The following ZNF718 variants were observed in gnomAD, a reference collection of about 807,000 sequenced individuals.
ZNF718 encodes zinc finger protein 718.
ZNF718 carries 3 observed loss-of-function variants against 2.6 expected under a neutral mutation model. The ratio of observed to expected loss-of-function variants is 1.16; its 90% CI spans 0.53 to 3.01. The LOEUF (loss-of-function observed/expected upper bound fraction) is 3.01. Ranked by LOEUF, ZNF718 falls within the 30% of genes most tolerant of loss-of-function variation. The probability of loss-of-function intolerance (pLI) is 0.03; values close to 1 mark genes in which losing one functional copy is unlikely to be tolerated. For synonymous variants in ZNF718, 135 were observed against 77.9 expected, an observed-to-expected ratio of 1.73 and a Z score of -3.86; for missense variants, 468 against 230.0, an observed-to-expected ratio of 2.03 and a Z score of -6.69.
intron 3 of ZNF718, among the ~76,000 whole-genome samples, chr4:133,196 AT>A (rs1272097624): frequency 0.081 from 1,321 of 16,252 alleles, 134 homozygotes; most frequent in African/African-American, 0.12. Flanking sequence ...AAAAAAAAAA[AT>A]ATATATATAT....
At chr4:191,751 G>C (rs1717697423) in intron 3 of ZNF718, among the ~76,000 whole-genome samples, 1 of 152,148 alleles carries the variant, frequency 6.6e-6, no homozygotes, top group South Asian at 2.1e-4. Flanking sequence ...TATTAATTTG[G>C]TCATCAACAG....
At chr4:134,473 C>G (rs2108781514) in intron 3 of ZNF718, among the ~76,000 whole-genome samples, 1 of 152,268 alleles carries the variant, frequency 6.6e-6, no homozygotes, top group East Asian at 1.9e-4. Flanking sequence ...TAAGGTTACA[C>G]TTAAGTTTCA....
chr4:138,834 C>A (rs1349652679), intron 3 of ZNF718, among the ~76,000 whole-genome samples: 1 of 152,036 alleles, frequency 6.6e-6, no homozygotes, highest in East Asian at 1.9e-4. Context: ...GCCATTGTAA[C>A]TGGGGTGAGA....
intron 3 of ZNF718, among the ~76,000 whole-genome samples, chr4:156,619 A>G (rs1716579997): frequency 6.6e-6 from 1 of 152,188 alleles, no homozygotes; most frequent in African/African-American, 2.4e-5. Context: ...TTAAAAAACC[A>G]TGTATTTCTG....
chr4:146,186 A>AT (rs57223668), intron 3 of ZNF718, among the ~76,000 whole-genome samples: 2,481 of 151,610 alleles, frequency 0.016, 78 homozygotes, highest in African/African-American at 0.056. Context: ...TCTCATTAAC[A>AT]TTTTTTTGTA....
intron 3 of ZNF718, among the ~76,000 whole-genome samples, chr4:157,494 A>G (rs146846644): frequency 7.9e-5 from 12 of 152,116 alleles, no homozygotes; most frequent in African/African-American, 2.9e-4. Context: ...TGCTGTTTCT[A>G]TTTCTGGAAA....
chr4:196,496 T>C (rs1717795022), intron 3 of ZNF718, among the ~76,000 whole-genome samples: 1 of 151,984 alleles, frequency 6.6e-6, no homozygotes, highest in Non-Finnish European at 1.5e-5. Context: ...TCAGAGGAAA[T>C]AGATACAGAG....
chr4:166,179 CTCA>C (rs1717082974), downstream of ZNF718, among the ~76,000 whole-genome samples: 1 of 152,132 alleles, frequency 6.6e-6, no homozygotes, highest in African/African-American at 2.4e-5. Flanking sequence ...AGGACATGAA[CTCA>C]TCATTTTTTA....
At chr4:135,992 A>G (rs937364161) in intron 3 of ZNF718, among the ~76,000 whole-genome samples, 4 of 151,992 alleles carry the variant, frequency 2.6e-5, no homozygotes, top group African/African-American at 9.7e-5. Context: ...AATGATTACA[A>G]TTTGGCAGGT....
chr4:171,803 A>T (rs1411912506), intron 3 of ZNF718, among the ~76,000 whole-genome samples: 1 of 152,150 alleles, frequency 6.6e-6, no homozygotes, highest in Non-Finnish European at 1.5e-5. Flanking sequence ...GGGTGAGGCA[A>T]TGCCTCGCCC....
At chr4:165,221 G>A (rs1553816534), downstream of ZNF718, among the ~76,000 whole-genome samples, 1 of 152,038 alleles carries the variant, frequency 6.6e-6, no homozygotes, top group East Asian at 1.9e-4. Context: ...TTTTAATGTG[G>A]TAAATTACTG....
intron 3 of ZNF718, among the ~76,000 whole-genome samples, chr4:189,776 A>G (rs1482448236): frequency 3.3e-5 from 5 of 152,192 alleles, no homozygotes; most frequent in African/African-American, 1.2e-4. Flanking sequence ...CATGCTTTCT[A>G]GCAGGTCTTA....
intron 3 of ZNF718, among the ~76,000 whole-genome samples, chr4:145,540 C>T (rs1219108335): frequency 6.6e-6 from 1 of 152,122 alleles, no homozygotes; most frequent in African/African-American, 2.4e-5. Flanking sequence ...CAGCTTAGTG[C>T]AGCCTCGACC....
At chr4:160,605 A>C (rs915414916) in intron 3 of ZNF718, among the ~76,000 whole-genome samples, 8 of 152,136 alleles carry the variant, frequency 5.3e-5, no homozygotes, top group Non-Finnish European at 1.0e-4. Flanking sequence ...TCTGGAGTGC[A>C]GTGGTGTGAT....
intron 3 of ZNF718, among the ~76,000 whole-genome samples, chr4:173,011 C>G (rs1553818371): frequency 6.6e-6 from 1 of 152,002 alleles, no homozygotes; most frequent in Non-Finnish European, 1.5e-5. Context: ...TGCCACCGCA[C>G]TGCAGCCTGA....
At chr4:126,976 A>T (rs1276709242) in intron 1 of ZNF718, among the ~76,000 whole-genome samples, 1 of 151,958 alleles carries the variant, frequency 6.6e-6, no homozygotes, top group African/African-American at 2.4e-5. Flanking sequence ...CAGGCGCGCC[A>T]CCACACTCAG....
chr4:161,334 CATAAGAGA>C lies in ZNF718; in HGVS notation c.652_659del (p.Lys218SerfsTer10). The stretch of plus-strand genomic sequence containing the variant: ...TAATTGGTCCTCAATTCTTACTAAA[CATAAGAGA>C]ATTCATGCCAGAGAGAAATTCTACA... On this transcript the variant is annotated frameshift_variant, in exon 4 of 4. Coordinates refer to ENST00000510175, the MANE Select transcript of ZNF718 (RefSeq NM_001039127.6). LOFTEE classifies it low-confidence loss of function (END_TRUNC). 1 of 780,400 alleles carries C rather than the reference CATAAGAGA, an allele frequency of 1.3e-6. No individual in the cohort carries two copies. The highest frequency in any genetic ancestry group is 2.4e-6 in the Non-Finnish European group (1 of 418,022). 48.3% of individuals were successfully genotyped at this position (780,400 alleles called of 1,614,324 possible). A position where few individuals can be genotyped will look rare whatever the true frequency, so the allele number is the denominator to read the frequency against.
At chr4:147,312 A>T (rs1553811573) in intron 3 of ZNF718, among the ~76,000 whole-genome samples, 1 of 152,160 alleles carries the variant, frequency 6.6e-6, no homozygotes, top group Non-Finnish European at 1.5e-5. Flanking sequence ...ATCCTTCATG[A>T]TCCATTAAGG....
chr4:137,056 C>T (rs1715599701), intron 3 of ZNF718, among the ~76,000 whole-genome samples: 1 of 152,096 alleles, frequency 6.6e-6, no homozygotes, highest in Admixed American at 6.6e-5. Flanking sequence ...CCTGAGATCT[C>T]ATTTTTTAAA....
Sources: allele counts gnomAD v4.1 joint callset (sites outside exome capture counted in the v4.1 genomes callset), GRCh38; gene constraint gnomAD v4.1.1; transcripts MANE v1.5; gene names NCBI Gene and HGNC (gene_info 2026-07-23, HGNC 2026-07-21).